The following SLC18A1 variants were observed in gnomAD, a reference collection of about 807,000 sequenced individuals.
The protein encoded by SLC18A1 is solute carrier family 18 member A1, also known as chromaffin granule amine transporter.
Under a neutral mutation model 53.7 loss-of-function variants are expected in SLC18A1, and 69 were observed. The observed-to-expected ratio is 1.28, with a 90% CI of 1.06 to 1.57. The LOEUF is 1.57. Ranked by LOEUF, SLC18A1 falls within the 40% of genes most tolerant of loss-of-function variation. SLC18A1 has a pLI of 0.00. For synonymous variants in SLC18A1, 320 were observed against 248.1 expected (o/e 1.29, Z -2.72); for missense variants, 932 against 668.1 (o/e 1.40, Z -4.35).
intron 10 of SLC18A1, among the ~76,000 whole-genome samples, chr8:20,157,499 G>A (rs560870776): frequency 2.2e-4 from 34 of 152,254 alleles, no homozygotes; most frequent in African/African-American, 7.7e-4. Context: ...AAGGACTAAG[G>A]AAAACTAGGA....
chr8:20,166,124 G>A (rs1006557776), intron 8 of SLC18A1, among the ~76,000 whole-genome samples: 7 of 151,698 alleles, frequency 4.6e-5, no homozygotes, highest in Non-Finnish European at 2.9e-5. Flanking sequence ...TCTAGGAATT[G>A]ACTCTAAAGA....
intron 8 of SLC18A1, among the ~76,000 whole-genome samples, chr8:20,168,076 G>T (rs1477902663): frequency 6.6e-6 from 1 of 152,128 alleles, no homozygotes; most frequent in East Asian, 1.9e-4. Context: ...ATGAAGGTAT[G>T]TTAAAATGAC....
chr8:20,145,691 G>T lies in SLC18A1; in HGVS notation c.*72C>A. On this transcript the variant is annotated 3_prime_UTR_variant, in exon 16 of 16. Transcript: ENST00000276373. Reference sequence around the variant, plus strand: ...TGAAGCCCACTGAGCCGTGGGCTCAGCCATGGTGATCTGGTCCCAGGGAAA... The same window carrying T: ...TGAAGCCCACTGAGCCGTGGGCTCATCCATGGTGATCTGGTCCCAGGGAAA... 1.0e-6 allele frequency: 1 copy of T among 965,716 alleles called. No homozygotes were observed. The highest frequency in any genetic ancestry group is 1.6e-6 in the Non-Finnish European group (1 of 628,386). The allele number at this position is 965,716 out of a possible 1,614,324, so 59.8% of individuals were successfully genotyped here.
At chr8:20,180,611 C>T (rs2072400176) in intron 2 of SLC18A1, among the ~76,000 whole-genome samples, 1 of 152,196 alleles carries the variant, frequency 6.6e-6, no homozygotes, top group African/African-American at 2.4e-5. Context: ...CAGTCAGACC[C>T]TCTCTGGACC....
intron 2 of SLC18A1, among the ~76,000 whole-genome samples, chr8:20,179,814 CTA>C (rs2072373793): frequency 6.6e-6 from 1 of 152,186 alleles, no homozygotes; most frequent in African/African-American, 2.4e-5. Context: ...GCTAACTCTC[CTA>C]CTCACTTAGA....
At chr8:20,164,828 C>A in intron 10 of SLC18A1, 41 bp downstream of exon 10, 1 of 1,499,812 alleles carries the variant, frequency 6.7e-7, no homozygotes, top group Non-Finnish European at 9.1e-7. Flanking sequence ...GCACCCACCT[C>A]CTCCTGCCAG....
chr8:20,153,463 G>A (rs1459562305), intron 10 of SLC18A1, among the ~76,000 whole-genome samples: 2 of 152,032 alleles, frequency 1.3e-5, no homozygotes, highest in African/African-American at 4.8e-5. Flanking sequence ...GGATCACAAG[G>A]TCAGGAGATC....
Position 20,156,652 on chromosome 8 carries a change from C to A in SLC18A1, c.1016-5908G>T, listed in dbSNP as rs1465558194. 2.0e-5 allele frequency among the ~76,000 whole-genome samples: 3 copies of A among 152,320 alleles called. No individual in the cohort carries two copies. The East Asian group carries it at 5.8e-4, about 29-fold the overall frequency. ...AGCCCATCTTTTTCTCCTTGCTCTT[C>A]TTCTTTTAGGAAAAAGGCACACAGG... On this transcript the variant is annotated intron_variant, in intron 10 of 15. Transcript: ENST00000276373.
At chr8:20,162,836 C>A (rs62498222) in intron 10 of SLC18A1, among the ~76,000 whole-genome samples, 7,025 of 152,258 alleles carry the variant, frequency 0.046, 211 homozygotes, top group Middle Eastern at 0.099. Flanking sequence ...CCAGAATCAC[C>A]CTTAATGCCT....
intron 15 of SLC18A1, among the ~76,000 whole-genome samples, 193 bp from the exon 16 acceptor site, chr8:20,146,069 C>G (rs1316589786): frequency 6.6e-6 from 1 of 152,224 alleles, no homozygotes; most frequent in Non-Finnish European, 1.5e-5. Context: ...GCGCCCATCA[C>G]CACGCCAGGC....
At chr8:20,171,325 G>T in intron 7 of SLC18A1, 80 bp downstream of exon 7, 1 of 1,362,836 alleles carries the variant, frequency 7.3e-7, no homozygotes, top group Non-Finnish European at 1.1e-6. Flanking sequence ...CCCATTCTTA[G>T]TGAAGACTGA....
chr8:20,179,245 T>C lies in SLC18A1; in HGVS notation c.364A>G (p.Lys122Glu), dbSNP rs1311328118. 1.9e-6 allele frequency: 3 copies of C among 1,614,152 alleles called. No homozygotes were observed. In the East Asian group the frequency reaches 6.7e-5, roughly 36 times the overall value. ...CCTGTGCCTTGCAAGCAGTTGTTTT[T>C]ATGAGCTGAGATGGCTTCAGTGGCT... ...PPATEAISAHKNNCLQGTGFL... is the reference protein window; with the variant it reads ...PPATEAISAHENNCLQGTGFL... Residue 122 changes from lysine to glutamate, a missense_variant, in exon 3 of 16, where the codon AAA becomes GAA. Lys to Glu is a moderately conservative substitution (Grantham distance 56). Transcript: ENST00000276373.
At chr8:20,171,040 C>T in intron 8 of SLC18A1, 63 bp downstream of exon 8, 2 of 1,518,594 alleles carry the variant, frequency 1.3e-6, no homozygotes, top group South Asian at 2.3e-5. Context: ...GGCAGGCATG[C>T]CTGGGTTCCT....
Position 20,147,693 on chromosome 8 carries a change from T to C in SLC18A1, c.1240A>G (p.Met414Val), listed in dbSNP as rs1460897006. 4.3e-6 allele frequency: 7 copies of C among 1,613,680 alleles called. No homozygotes were observed. In the East Asian group the frequency reaches 1.3e-4, roughly 31 times the overall value. Residue 414 changes from methionine to valine, a missense_variant, in exon 14 of 16, where the codon ATG (methionine) becomes GTG (valine). Transcript: ENST00000276373. ...TGGCGTAGATCCACCAGGTGCCCCA[T>C]GATGGGCATCATAGAAGAATCCACC... ...GMVDSSMMPIMGHLVDLRHTS... is the reference protein window; with the variant it reads ...GMVDSSMMPIVGHLVDLRHTS...
At chr8:20,177,174 A>G (rs2072273199) in intron 4 of SLC18A1, among the ~76,000 whole-genome samples, 1 of 152,234 alleles carries the variant, frequency 6.6e-6, no homozygotes, top group African/African-American at 2.4e-5. Context: ...TGCTAATTTG[A>G]ATTTCTTCAT....
At chr8:20,154,520 T>A (rs1174430308) in intron 10 of SLC18A1, among the ~76,000 whole-genome samples, 1 of 152,044 alleles carries the variant, frequency 6.6e-6, no homozygotes, top group East Asian at 1.9e-4. Context: ...AAGAAATGAC[T>A]CGGAAGCAAC....
chr8:20,178,001 A>G (rs2072291920), intron 4 of SLC18A1, among the ~76,000 whole-genome samples: 3 of 152,108 alleles, frequency 2.0e-5, no homozygotes, highest in Admixed American at 1.3e-4. Context: ...TCCAGATGTT[A>G]TTGTCCAATT....
intron 15 of SLC18A1, among the ~76,000 whole-genome samples, chr8:20,146,534 G>A (rs2071403144): frequency 1.3e-5 from 2 of 152,202 alleles, no homozygotes; most frequent in Non-Finnish European, 2.9e-5. Flanking sequence ...CCCTCAGGAT[G>A]TTTGTGCTGC....
chr8:20,179,559 G>A (rs2072362665), intron 2 of SLC18A1, 75 bp from the exon 3 acceptor site: 4 of 1,513,610 alleles, frequency 2.6e-6, no homozygotes, highest in Non-Finnish European at 3.6e-6. Context: ...AGGGGCTAAG[G>A]ACAGATGTCA....
Sources: gnomAD v4.1 joint callset for allele counts (sites outside exome capture counted in the v4.1 genomes callset) on GRCh38, gnomAD v4.1.1 for gene constraint, MANE v1.5 for transcripts, NCBI Gene and HGNC (gene_info 2026-07-23, HGNC 2026-07-21) for gene names.